The following POLR3B variants were observed in gnomAD, a reference collection of about 807,000 sequenced individuals.
POLR3B encodes the protein DNA-directed RNA polymerase III subunit RPC2.
In POLR3B, 96 loss-of-function variants were observed where a neutral mutation model predicts 147.4. The ratio of observed to expected loss-of-function variants is 0.65; its 90% CI spans 0.55 to 0.77. The LOEUF is 0.77. POLR3B is among the 30% of genes least tolerant of loss of function. POLR3B has a pLI of 0.00. For synonymous variants in POLR3B, 461 were observed against 485.9 expected (o/e 0.95, Z 0.67); for missense variants, 1,036 against 1,413.5 (o/e 0.73, Z 4.28).
chr12:106,446,507 A>G (rs2037727239), intron 19 of POLR3B, among the ~76,000 whole-genome samples: 1 of 151,766 alleles, frequency 6.6e-6, no homozygotes, highest in Non-Finnish European at 1.5e-5. Context: ...ACAGTTAAGC[A>G]GGATCAGTGT....
intron 6 of POLR3B, among the ~76,000 whole-genome samples, chr12:106,374,270 G>A (rs1281056968): frequency 6.6e-6 from 1 of 152,122 alleles, no homozygotes; most frequent in East Asian, 1.9e-4. Flanking sequence ...AGGCCAGAGT[G>A]CAATGGTACA....
intron 6 of POLR3B, among the ~76,000 whole-genome samples, chr12:106,370,428 A>G (rs2036588057): frequency 6.6e-6 from 1 of 152,186 alleles, no homozygotes; most frequent in Non-Finnish European, 1.5e-5. Context: ...ATATGTAATT[A>G]TGGCACCATT....
chr12:106,449,290 C>T (rs2037766817), intron 19 of POLR3B, among the ~76,000 whole-genome samples: 1 of 152,150 alleles, frequency 6.6e-6, no homozygotes, highest in Non-Finnish European at 1.5e-5. Context: ...GAGTTTTCCA[C>T]TTGTGGCGGC....
At chr12:106,485,191 C>T (rs114732542) in intron 23 of POLR3B, among the ~76,000 whole-genome samples, 1 of 152,110 alleles carries the variant, frequency 6.6e-6, no homozygotes, top group African/African-American at 2.4e-5. Flanking sequence ...CCGTGGCAGA[C>T]AGGCAGAGGG....
In POLR3B at chr12:106,509,652, C is replaced by CAAGG; in HGVS notation, c.*103_*104insAAGG. 2 of 1,059,940 alleles carry CAAGG rather than the reference C, an allele frequency of 1.9e-6. No homozygotes were observed. Among genetic ancestry groups the CAAGG allele is most frequent in the Non-Finnish European group, 2.8e-6 (2 of 708,436 alleles). 65.7% of individuals were successfully genotyped at this position (1,059,940 alleles called of 1,614,324 possible). A position where few individuals can be genotyped will look rare whatever the true frequency, so the allele number is the denominator to read the frequency against. On this transcript the variant is annotated 3_prime_UTR_variant, in exon 28 of 28. Transcript: ENST00000228347. ...TCTCCTCCTGTGAAGAATTCCCTTG[C>CAAGG]GTATTCTCTCTCTAAAACAACCAAA...
At chr12:106,402,450 GA>G (rs772929962) in intron 10 of POLR3B, among the ~76,000 whole-genome samples, 1 of 152,038 alleles carries the variant, frequency 6.6e-6, no homozygotes, top group Non-Finnish European at 1.5e-5. Flanking sequence ...CACAGAATTG[GA>G]AAAAACTACT....
At chr12:106,434,006 A>C in intron 16 of POLR3B, 134 bp downstream of exon 16, 1 of 737,002 alleles carries the variant, frequency 1.4e-6, no homozygotes, top group East Asian at 2.7e-5. Flanking sequence ...TCCGTGAGCA[A>C]ACACTTCATG....
intron 23 of POLR3B, among the ~76,000 whole-genome samples, chr12:106,477,123 T>TGG: frequency 7.0e-6 from 1 of 142,774 alleles, no homozygotes; most frequent in African/African-American, 2.8e-5. Flanking sequence ...TGGAATACCC[T>TGG]GCCTTGTGAG....
chr12:106,432,947 C>G (rs528405364), intron 15 of POLR3B, among the ~76,000 whole-genome samples: 1 of 152,144 alleles, frequency 6.6e-6, no homozygotes, highest in Non-Finnish European at 1.5e-5. Flanking sequence ...TACCTCTTCC[C>G]GTCTCCTTCG....
In POLR3B at chr12:106,480,760, G is replaced by C. The variant is rs1201171791; in HGVS notation, c.2714-15295G>C. 2.6e-5 allele frequency among the ~76,000 whole-genome samples: 4 copies of C among 152,108 alleles called. No homozygotes were observed. The East Asian group carries it at 7.7e-4, about 29-fold the overall frequency. The stretch of plus-strand genomic sequence containing the variant: ...GTGTCTGGTACTATTCTAGGCTCTG[G>C]TCACAAGCAGTAAACAAAATAGATT... On this transcript the variant is annotated intron_variant, in intron 23 of 27. Transcript: ENST00000228347.
At chr12:106,508,064 C>T (rs1377701768) in intron 27 of POLR3B, among the ~76,000 whole-genome samples, 1 of 152,136 alleles carries the variant, frequency 6.6e-6, no homozygotes, top group Non-Finnish European at 1.5e-5. Flanking sequence ...TTGAGGGCCC[C>T]CTTGGGACCA....
chr12:106,508,832 A>G (rs1053797279), intron 27 of POLR3B, among the ~76,000 whole-genome samples: 1 of 152,236 alleles, frequency 6.6e-6, no homozygotes, highest in African/African-American at 2.4e-5. Context: ...ACTCATAGAA[A>G]TCACCAAGCC....
Position 106,490,154 on chromosome 12 carries a change from T to C in POLR3B, c.2714-5901T>C, listed in dbSNP as rs146285670. 9.8e-4 allele frequency among the ~76,000 whole-genome samples: 149 copies of C among 152,316 alleles called. 1 individual carries two copies. In the East Asian group the frequency reaches 0.014, roughly 15 times the overall value. Reference sequence around the variant, plus strand: ...TTTCAGTAAATATCCAACTAAAGCTTTGAAATTAGGGTATTTAGTGTTTTA... The same window carrying C: ...TTTCAGTAAATATCCAACTAAAGCTCTGAAATTAGGGTATTTAGTGTTTTA... On this transcript the variant is annotated intron_variant, in intron 23 of 27. Transcript: ENST00000228347.
At chr12:106,458,331 C>T (rs1028013811) in intron 21 of POLR3B, among the ~76,000 whole-genome samples, 1 of 152,044 alleles carries the variant, frequency 6.6e-6, no homozygotes, top group South Asian at 2.1e-4. Context: ...ACCATCTTGT[C>T]CAGGCTTGTC....
intron 12 of POLR3B, among the ~76,000 whole-genome samples, chr12:106,426,649 A>C (rs2037440613): frequency 6.6e-6 from 1 of 152,120 alleles, no homozygotes; most frequent in South Asian, 2.1e-4. Context: ...CAGAGTGATT[A>C]CTACACATGC....
intron 6 of POLR3B, among the ~76,000 whole-genome samples, chr12:106,374,007 C>G (rs971208899): frequency 5.9e-5 from 9 of 151,588 alleles, no homozygotes; most frequent in Admixed American, 5.9e-4. Context: ...TTTTCTCACC[C>G]TTCCCCAACT....
At chr12:106,384,423 T>C (rs972048230) in intron 9 of POLR3B, among the ~76,000 whole-genome samples, 1 of 152,238 alleles carries the variant, frequency 6.6e-6, no homozygotes, top group Non-Finnish European at 1.5e-5. Flanking sequence ...CTAAAATTTA[T>C]ACATAACCCC....
At chr12:106,399,238 C>T (rs556266505) in intron 10 of POLR3B, among the ~76,000 whole-genome samples, 22 of 151,604 alleles carry the variant, frequency 1.5e-4, no homozygotes, top group Admixed American at 2.6e-4. Flanking sequence ...TGATGGAAGA[C>T]GAAATGAATG....
chr12:106,474,027 G>C (rs1385686885), intron 23 of POLR3B, among the ~76,000 whole-genome samples: 1 of 126,212 alleles, frequency 7.9e-6, no homozygotes, highest in African/African-American at 3.0e-5. Context: ...TTATTATTTT[G>C]AAATACGTCC....
Sources: gnomAD v4.1 joint callset for allele counts (sites outside exome capture counted in the v4.1 genomes callset) on GRCh38, gnomAD v4.1.1 for gene constraint, MANE v1.5 for transcripts, NCBI Gene and HGNC (gene_info 2026-07-23, HGNC 2026-07-21) for gene names.